The following LAYN variants were observed in gnomAD, a reference collection of about 807,000 sequenced individuals.
The protein encoded by LAYN is layilin.
A neutral mutation model predicts 43.6 loss-of-function variants in LAYN; 38 were observed. That is an observed-to-expected ratio of 0.87 (90% CI 0.67 to 1.14). LAYN has a LOEUF of 1.14. Ranked by LOEUF, LAYN falls within the 50% of genes most tolerant of loss-of-function variation. LAYN has a pLI of 0.00. For synonymous variants in LAYN, 168 were observed against 172.9 expected, an observed-to-expected ratio of 0.97 and a Z score of 0.22; for missense variants, 479 against 463.8, an observed-to-expected ratio of 1.03 and a Z score of -0.30.
At position 111,560,843 on chromosome 11, in the gene LAYN, A is replaced by T. The variant is rs1867943775; in HGVS notation, c.*385A>T. ...TACAGCAGCACATATTATCATACAGACAGAAAATCCAGAATCTTTTCAAAG... is the reference window on the plus strand; with the variant it reads ...TACAGCAGCACATATTATCATACAGTCAGAAAATCCAGAATCTTTTCAAAG... On this transcript the variant is annotated 3_prime_UTR_variant, in exon 7 of 7. Coordinates refer to ENST00000375614, the MANE Select transcript of LAYN (RefSeq NM_178834.5). 2 of 169,414 alleles carry T rather than the reference A, an allele frequency of 1.2e-5. No individual in the cohort carries two copies. Among genetic ancestry groups the T allele is most frequent in the Admixed American group, 1.2e-4 (2 of 16,786 alleles). 10.5% of individuals were successfully genotyped at this position (169,414 alleles called of 1,614,324 possible). A position where few individuals can be genotyped will look rare whatever the true frequency, so the allele number is the denominator to read the frequency against.
intron 3 of LAYN, among the ~76,000 whole-genome samples, chr11:111,553,073 T>C (rs1049367378): frequency 2.0e-5 from 3 of 151,946 alleles, no homozygotes; most frequent in African/African-American, 7.3e-5. Context: ...AAACCCCGTC[T>C]CTACTAAAAA....
At chr11:111,558,143 A>G (rs140030070) in intron 6 of LAYN, among the ~76,000 whole-genome samples, 7 of 152,376 alleles carry the variant, frequency 4.6e-5, no homozygotes, top group African/African-American at 1.7e-4. Flanking sequence ...GTGCTATAAA[A>G]TAGCTACACT....
chr11:111,548,229 A>C (rs979315613), intron 2 of LAYN, among the ~76,000 whole-genome samples: 1 of 152,176 alleles, frequency 6.6e-6, no homozygotes, highest in Non-Finnish European at 1.5e-5. Context: ...CTGTATGGTT[A>C]CTGGAGGAAA....
intron 1 of LAYN, 47 bp downstream of exon 1, chr11:111,540,975 T>A (rs1308240234): frequency 1.3e-6 from 2 of 1,482,418 alleles, no homozygotes; most frequent in African/African-American, 2.8e-5. Flanking sequence ...GTGGGCTCAC[T>A]GCACCCCAGC....
At position 111,560,354 on chromosome 11, in the gene LAYN, G is replaced by T; in HGVS notation, c.1021G>T (p.Val341Leu). Residue 341 changes from valine (V) to leucine (L), a missense_variant, in exon 7 of 7, where the codon GTG (valine) becomes TTG (leucine). Val to Leu is a conservative substitution (Grantham distance 32, BLOSUM62 1). Coordinates refer to ENST00000375614, the MANE Select transcript of LAYN (RefSeq NM_178834.5). ...AAGTGGGTTTGTGACTCTGGTGAGC[G>T]TGGAGAGTGGATTTGTGACCAATGA... ...SESGFVTLVS[V>L]ESGFVTNDIY... 6.2e-7 allele frequency: 1 copy of T among 1,614,194 alleles called. No individual in the cohort carries two copies. The highest frequency in any genetic ancestry group is 8.5e-7 in the Non-Finnish European group (1 of 1,180,026).
intron 2 of LAYN, among the ~76,000 whole-genome samples, chr11:111,544,841 G>A (rs993125991): frequency 1.4e-4 from 21 of 151,920 alleles, no homozygotes; most frequent in Non-Finnish European, 7.4e-5. Flanking sequence ...CCAACAAAGA[G>A]TTAATATCTT....
intron 1 of LAYN, chr11:111,541,393 G>A: frequency 1.5e-6 from 1 of 664,962 alleles, no homozygotes; most frequent in Non-Finnish European, 2.7e-6. Context: ...GGTGCCGTGG[G>A]AACCCTGCCT....
At chr11:111,555,867 A>G (rs1207420432) in intron 5 of LAYN, among the ~76,000 whole-genome samples, 1 of 152,176 alleles carries the variant, frequency 6.6e-6, no homozygotes, top group East Asian at 1.9e-4. Context: ...TGCATAATGG[A>G]AGTAATAATA....
chr11:111,543,023 C>CT (rs1565262220), intron 1 of LAYN, among the ~76,000 whole-genome samples: 2 of 152,184 alleles, frequency 1.3e-5, no homozygotes. Context: ...ATCTTCAGCC[C>CT]TTCAGGGGAC....
Position 111,540,770 on chromosome 11 carries a change from G to C in LAYN, c.-74G>C. ...TGCTGCTGCCGCGGTTGCAGTTGTC[G>C]CGCACGCCTCTGCCCGCCAGCCCGC... On this transcript the variant is annotated 5_prime_UTR_variant, in exon 1 of 7. Coordinates refer to ENST00000375614, the MANE Select transcript of LAYN (RefSeq NM_178834.5). 1 of 1,405,958 alleles carries C rather than the reference G, an allele frequency of 7.1e-7. No individual in the cohort carries two copies. The highest frequency in any genetic ancestry group is 2.4e-5 in the Admixed American group (1 of 42,116). The allele number at this position is 1,405,958 out of a possible 1,614,324, so 87.1% of individuals were successfully genotyped here. A position where few individuals can be genotyped will look rare whatever the true frequency, so the allele number is the denominator to read the frequency against.
At chr11:111,544,310 G>A in intron 2 of LAYN, 90 bp downstream of exon 2, 1 of 1,290,028 alleles carries the variant, frequency 7.8e-7, no homozygotes. Context: ...CAGTGGGGAA[G>A]AGAAGACCAA....
intron 2 of LAYN, among the ~76,000 whole-genome samples, chr11:111,547,463 A>G (rs982923991): frequency 2.0e-5 from 3 of 152,240 alleles, no homozygotes; most frequent in Admixed American, 1.3e-4. Flanking sequence ...GAGGACGGTA[A>G]AAATTAATAT....
intron 4 of LAYN, among the ~76,000 whole-genome samples, chr11:111,554,964 G>A (rs1312340795): frequency 6.6e-6 from 1 of 152,184 alleles, no homozygotes; most frequent in African/African-American, 2.4e-5. Flanking sequence ...TATGTACCTT[G>A]ATGTCAGCTG....
chr11:111,555,561 G>A (rs1045239016), intron 5 of LAYN, among the ~76,000 whole-genome samples: 1 of 152,196 alleles, frequency 6.6e-6, no homozygotes, highest in Non-Finnish European at 1.5e-5. Context: ...GAGGTCATGT[G>A]GGGTAAGGTG....
chr11:111,556,993 T>A (rs976073981), intron 5 of LAYN, among the ~76,000 whole-genome samples: 6 of 152,220 alleles, frequency 3.9e-5, no homozygotes, highest in South Asian at 4.1e-4. Flanking sequence ...TGTAATTTAC[T>A]TGCTTCCTGT....
chr11:111,555,392 A>G, intron 5 of LAYN, 102 bp downstream of exon 5: 1 of 813,010 alleles, frequency 1.2e-6, no homozygotes, highest in Non-Finnish European at 2.0e-6. Flanking sequence ...ACAGCTACCT[A>G]AAAATAGAAC....
At chr11:111,551,469 TG>T (rs1867743437) in intron 3 of LAYN, 1 of 455,344 alleles carries the variant, frequency 2.2e-6, no homozygotes, top group South Asian at 1.6e-5. Context: ...ACTAACACAC[TG>T]CCTGTTTTTG....
intron 2 of LAYN, among the ~76,000 whole-genome samples, chr11:111,546,087 T>G (rs544336454): frequency 1.3e-5 from 2 of 152,332 alleles, no homozygotes; most frequent in South Asian, 2.1e-4. Flanking sequence ...GTACTAGCAC[T>G]GGGGTGGCTA....
chr11:111,551,271 A>G, intron 3 of LAYN: 1 of 453,884 alleles, frequency 2.2e-6, no homozygotes, highest in South Asian at 1.6e-5. Context: ...TGGGGAATAA[A>G]TACTGAGACT....
Sources: gnomAD v4.1 joint callset for allele counts (sites outside exome capture counted in the v4.1 genomes callset) on GRCh38, gnomAD v4.1.1 for gene constraint, MANE v1.5 for transcripts, NCBI Gene and HGNC (gene_info 2026-07-23, HGNC 2026-07-21) for gene names.